The following GRAMD1C variants were observed in gnomAD, a reference collection of about 807,000 sequenced individuals.
GRAMD1C encodes the protein GRAM domain containing 1C.
GRAMD1C carries 89 observed loss-of-function variants against 97.8 expected under a neutral mutation model. The ratio of observed to expected loss-of-function variants is 0.91; its 90% CI spans 0.77 to 1.09. The LOEUF (loss-of-function observed/expected upper bound fraction) is 1.09, where lower values mean the gene tolerates loss of function less well. Among genes scored for constraint, GRAMD1C ranks in the 50% least tolerant of loss-of-function variants. The probability of loss-of-function intolerance (pLI) is 0.00; values close to 1 mark genes in which losing one functional copy is unlikely to be tolerated. For synonymous variants in GRAMD1C, 256 were observed against 267.0 expected, an observed-to-expected ratio of 0.96 and a Z score of 0.40; for missense variants, 740 against 766.4, an observed-to-expected ratio of 0.97 and a Z score of 0.41.
rs570070876 is a variant in GRAMD1C at position 113,853,945 on chromosome 3, G to T, written c.174+9296G>T. ...AAAGCGCAGGGTGTTCTATGGAAAGGCTCTGAGGCTGGAATGAGATTGGCT... is the reference window on the plus strand; with the variant it reads ...AAAGCGCAGGGTGTTCTATGGAAAGTCTCTGAGGCTGGAATGAGATTGGCT... On this transcript the variant is annotated intron_variant, in intron 2 of 17. Coordinates refer to ENST00000358160, the MANE Select transcript of GRAMD1C (RefSeq NM_017577.5). Among the ~76,000 whole-genome samples the T allele has an allele frequency of 7.9e-5, 12 of 152,224 alleles. No homozygotes were observed. The East Asian group carries it at 2.3e-3, about 29-fold the overall frequency.
At chr3:113,885,259 G>A (rs542804949) in intron 6 of GRAMD1C, 72 of 1,258,350 alleles carry the variant, frequency 5.7e-5, no homozygotes, top group African/African-American at 1.0e-4. Flanking sequence ...GAGCTGGGCC[G>A]TGGGGGCCTC....
chr3:113,914,425 A>G (rs1936725150), intron 9 of GRAMD1C, among the ~76,000 whole-genome samples: 1 of 152,196 alleles, frequency 6.6e-6, no homozygotes, highest in Non-Finnish European at 1.5e-5. Flanking sequence ...ATGAAGCCAG[A>G]GCTAGCAGAG....
intron 8 of GRAMD1C, among the ~76,000 whole-genome samples, chr3:113,907,497 ATAGAAGTT>A (rs1936411950): frequency 6.6e-6 from 1 of 152,188 alleles, no homozygotes; most frequent in Non-Finnish European, 1.5e-5. Context: ...TACAAGCAGT[ATAGAAGTT>A]TAGCCCTTTT....
chr3:113,938,745 C>T (rs1484726322), intron 15 of GRAMD1C: 1 of 152,170 alleles, frequency 6.6e-6, no homozygotes, highest in African/African-American at 2.4e-5. Flanking sequence ...ATCCACTCAG[C>T]CAGTCATATT....
At chr3:113,881,806 T>A (rs1020193166) in intron 5 of GRAMD1C, among the ~76,000 whole-genome samples, 2 of 152,240 alleles carry the variant, frequency 1.3e-5, no homozygotes, top group African/African-American at 4.8e-5. Flanking sequence ...TATATATAAT[T>A]CTATTTGGAA....
At chr3:113,855,027 C>A (rs1160026165) in intron 2 of GRAMD1C, among the ~76,000 whole-genome samples, 1 of 152,080 alleles carries the variant, frequency 6.6e-6, no homozygotes, top group Non-Finnish European at 1.5e-5. Flanking sequence ...AACAGTGACA[C>A]TGAGCTGAGC....
rs115588468 is a variant in GRAMD1C, at chr3:113,932,083, T to C, written c.1209+1251T>C. 5.3e-3 allele frequency among the ~76,000 whole-genome samples: 814 copies of C among 152,310 alleles called. 8 individuals are homozygous for C. The highest frequency in any genetic ancestry group is 0.019 in the African/African-American group (783 of 41,586). ...TGAAATTAAATACTGTATGAGCTAT[T>C]TAATGCTCTTTATCTGTGACCAGAG... is the stretch of plus-strand genomic sequence containing the variant. On this transcript the variant is annotated intron_variant, in intron 11 of 17. Transcript: ENST00000358160.
Position 113,876,159 on chromosome 3 carries a change from G to A in GRAMD1C, c.364-6G>A. 1 of 1,465,324 alleles carries A rather than the reference G, an allele frequency of 6.8e-7. No individual in the cohort carries two copies. The highest frequency in any genetic ancestry group is 9.5e-7 in the Non-Finnish European group (1 of 1,054,154). 90.8% of individuals were successfully genotyped at this position (1,465,324 alleles called of 1,614,324 possible). On this transcript the variant is annotated splice_polypyrimidine_tract_variant and splice_region_variant and intron_variant, in intron 4 of 17. Coordinates refer to ENST00000358160, the MANE Select transcript of GRAMD1C (RefSeq NM_017577.5). ...AATACATTAAAAAAATTTTTTGTGT[G>A]TTTAGATTTCTATTGCTTTAAAGAA...
At position 113,850,964 on chromosome 3, in the gene GRAMD1C, G is replaced by A. The variant is rs372636481; in HGVS notation, c.174+6315G>A. Among the ~76,000 whole-genome samples the A allele has an allele frequency of 4.0e-3, 606 of 151,830 alleles. 8 individuals carry two copies. The highest frequency in any genetic ancestry group is 0.031 in the South Asian group (150 of 4,800). On this transcript the variant is annotated intron_variant, in intron 2 of 17. Transcript: ENST00000358160. ...ACTACAGGCGCGTGCCACCACGCCC[G>A]GCTAATTTTTTGTATTTTTAGTAGA...
intron 2 of GRAMD1C, among the ~76,000 whole-genome samples, chr3:113,848,441 C>T (rs1170438093): frequency 6.6e-6 from 1 of 151,766 alleles, no homozygotes. Flanking sequence ...TTAAGATTTT[C>T]AGATTTTTTA....
intron 7 of GRAMD1C, among the ~76,000 whole-genome samples, chr3:113,903,439 C>T (rs1024959897): frequency 6.6e-6 from 1 of 152,130 alleles, no homozygotes; most frequent in Non-Finnish European, 1.5e-5. Flanking sequence ...CTTCTTCCTC[C>T]TCCTTTCCTC....
At chr3:113,888,669 A>G (rs575841133) in intron 6 of GRAMD1C, among the ~76,000 whole-genome samples, 1 of 152,232 alleles carries the variant, frequency 6.6e-6, no homozygotes, top group African/African-American at 2.4e-5. Context: ...AGCTGAAAAA[A>G]AATTTTTTAA....
chr3:113,865,070 A>G (rs1934534664), intron 2 of GRAMD1C, among the ~76,000 whole-genome samples: 1 of 152,216 alleles, frequency 6.6e-6, no homozygotes, highest in African/African-American at 2.4e-5. Context: ...TCATCCGGCC[A>G]GGGTCTCATG....
intron 2 of GRAMD1C, among the ~76,000 whole-genome samples, chr3:113,868,893 C>T (rs1934686160): frequency 6.6e-6 from 1 of 152,098 alleles, no homozygotes; most frequent in Admixed American, 6.6e-5. Flanking sequence ...GCTTCCTCTC[C>T]TTCAAGATCT....
At chr3:113,838,716 C>A (rs1304210124), upstream of GRAMD1C, 5 of 376,352 alleles carry the variant, frequency 1.3e-5, no homozygotes, top group Non-Finnish European at 2.3e-5. Flanking sequence ...AGCCTTCAGG[C>A]TAACCCGGTA....
chr3:113,841,672 A>G (rs1307349681), intron 1 of GRAMD1C, among the ~76,000 whole-genome samples: 4 of 151,990 alleles, frequency 2.6e-5, no homozygotes, highest in Admixed American at 2.6e-4. Context: ...TTAACTGGGC[A>G]TTGAGAGTGG....
intron 15 of GRAMD1C, 37 bp downstream of exon 15, chr3:113,938,180 C>G (rs1314133428): frequency 1.0e-6 from 1 of 984,626 alleles, no homozygotes; most frequent in Admixed American, 2.6e-5. Flanking sequence ...TTGCTTGTTT[C>G]AGCATTTATC....
At chr3:113,928,741 G>C (rs914127626) in intron 10 of GRAMD1C, among the ~76,000 whole-genome samples, 6 of 152,236 alleles carry the variant, frequency 3.9e-5, no homozygotes, top group Non-Finnish European at 8.8e-5. Flanking sequence ...TTCTGTGACA[G>C]ATTTAATACA....
intron 2 of GRAMD1C, among the ~76,000 whole-genome samples, chr3:113,866,623 C>T (rs1468956727): frequency 6.6e-6 from 1 of 152,036 alleles, no homozygotes; most frequent in African/African-American, 2.4e-5. Flanking sequence ...CTTTATGTGT[C>T]AAATACATAT....
Sources: allele counts gnomAD v4.1 joint callset (sites outside exome capture counted in the v4.1 genomes callset), GRCh38; gene constraint gnomAD v4.1.1; transcripts MANE v1.5; gene names NCBI Gene and HGNC (gene_info 2026-07-23, HGNC 2026-07-21).